DLC1: variants seen among roughly 807,000 people sequenced by gnomAD.
DLC1 encodes DLC1 Rho GTPase activating protein, also known as rho GTPase-activating protein 7.
In DLC1, 54 loss-of-function variants were observed where a neutral mutation model predicts 140.3. The observed-to-expected ratio is 0.38, with a 90% CI of 0.31 to 0.48. The LOEUF (loss-of-function observed/expected upper bound fraction) is 0.48. DLC1 is among the 20% of genes least tolerant of loss of function. The probability of loss-of-function intolerance (pLI) is 0.96; values close to 1 mark genes in which losing one functional copy is unlikely to be tolerated. For missense variants in DLC1, 2,536 were observed against 1,907.0 expected (o/e 1.33, Z -6.14); for synonymous variants, 986 against 728.1 (o/e 1.35, Z -5.70).
chr8:13,396,058 C>CTTTTT lies in DLC1; in HGVS notation c.1174-2366_1174-2365insAAAAA, dbSNP rs1458503033. On this transcript the variant is annotated intron_variant, in intron 3 of 17. Transcript: ENST00000276297. ...GAAATATTTTGCATTAATTTCTTTT[C>CTTTTT]TTTCTTTTTTTTTTTTTTTGAGACG... Among the ~76,000 whole-genome samples the CTTTTT allele has an allele frequency of 2.8e-4, 38 of 133,390 alleles. 3 individuals are homozygous for CTTTTT. The highest frequency in any genetic ancestry group is 3.0e-4 in the Admixed American group (4 of 13,268). The allele number at this position is 133,390 out of a possible 152,430, so 87.5% of individuals were successfully genotyped here.
chr8:13,353,718 C>T (rs1563277569), intron 4 of DLC1, among the ~76,000 whole-genome samples: 3 of 152,122 alleles, frequency 2.0e-5, no homozygotes, highest in East Asian at 3.9e-4. Context: ...TTAGCCAGGC[C>T]TGTTGGCAGG....
At chr8:13,258,965 A>G (rs988556679) in intron 5 of DLC1, among the ~76,000 whole-genome samples, 2 of 151,750 alleles carry the variant, frequency 1.3e-5, no homozygotes, top group East Asian at 1.9e-4. Context: ...GTGAAACCCC[A>G]TCTCTACTAA....
intron 7 of DLC1, among the ~76,000 whole-genome samples, chr8:13,104,350 C>CA (rs71304974): frequency 0.039 from 4,703 of 119,344 alleles, 107 homozygotes; most frequent in African/African-American, 0.058. Flanking sequence ...AAAATACTTA[C>CA]AAAAAAAAAA....
chr8:13,088,594 G>A lies in DLC1; in HGVS notation c.4185C>T (p.Asp1395=). The part of the protein sequence containing the change: ...LLKEQHLWDV[D]LLDSKVIEIL... ...TTTCGATCACTTTTGAATCCAACAG[G>A]TCTACATCCCAGAGGTGCTGTTCTT... Residue 1395 remains aspartate, a synonymous_variant, in exon 16 of 18, where the codon GAC becomes GAT. Transcript: ENST00000276297. 2 of 1,614,124 alleles carry A rather than the reference G, an allele frequency of 1.2e-6. No homozygotes were observed. Among genetic ancestry groups the A allele is most frequent in the African/African-American group, 1.3e-5 (1 of 75,032 alleles).
intron 7 of DLC1, among the ~76,000 whole-genome samples, chr8:13,103,849 A>AAC (rs1387556297): frequency 1.3e-5 from 2 of 149,470 alleles, no homozygotes; most frequent in East Asian, 3.9e-4. Context: ...CAAAAAAAAA[A>AAC]AAAAAAAAAA....
intron 5 of DLC1, among the ~76,000 whole-genome samples, chr8:13,132,489 C>G (rs1206916547): frequency 1.3e-5 from 2 of 152,100 alleles, no homozygotes; most frequent in Admixed American, 6.5e-5. Flanking sequence ...AGTAAACTCT[C>G]CCGGAGTTCA....
intron 4 of DLC1, among the ~76,000 whole-genome samples, chr8:13,382,636 C>G (rs78802574): frequency 0.023 from 3,484 of 151,044 alleles, 71 homozygotes; most frequent in South Asian, 0.086. Context: ...TTCTAGACAG[C>G]AAATGATACT....
At chr8:13,344,698 G>C (rs1049938926) in intron 4 of DLC1, among the ~76,000 whole-genome samples, 2 of 152,172 alleles carry the variant, frequency 1.3e-5, no homozygotes, top group African/African-American at 4.8e-5. Flanking sequence ...TCACTATTAT[G>C]ATGATGACAG....
At chr8:13,430,274 A>G (rs1234837085) in intron 2 of DLC1, among the ~76,000 whole-genome samples, 1 of 152,230 alleles carries the variant, frequency 6.6e-6, no homozygotes, top group Non-Finnish European at 1.5e-5. Context: ...TGAATTTCAC[A>G]TGTGATTGTG....
chr8:13,256,711 TG>T (rs1365417123), intron 5 of DLC1, among the ~76,000 whole-genome samples: 1 of 151,824 alleles, frequency 6.6e-6, no homozygotes, highest in African/African-American at 2.4e-5. Flanking sequence ...CATCACACAC[TG>T]GGGCCTGTTG....
chr8:13,132,781 C>T (rs1487127011), intron 5 of DLC1, among the ~76,000 whole-genome samples: 2 of 152,236 alleles, frequency 1.3e-5, no homozygotes, highest in Non-Finnish European at 2.9e-5. Context: ...GTCCTGCTAT[C>T]CCCACACCAC....
intron 4 of DLC1, among the ~76,000 whole-genome samples, chr8:13,319,268 C>A (rs890991472): frequency 1.3e-5 from 2 of 152,182 alleles, no homozygotes; most frequent in Non-Finnish European, 2.9e-5. Flanking sequence ...AGAAATTTTG[C>A]ATTATAATTA....
chr8:13,436,406 A>G (rs1839124810), intron 2 of DLC1, among the ~76,000 whole-genome samples: 1 of 152,228 alleles, frequency 6.6e-6, no homozygotes, highest in Non-Finnish European at 1.5e-5. Context: ...TTACCTATCA[A>G]GAGTTAATCT....
intron 2 of DLC1, among the ~76,000 whole-genome samples, chr8:13,487,118 T>C (rs1044556676): frequency 6.6e-6 from 1 of 152,170 alleles, no homozygotes; most frequent in African/African-American, 2.4e-5. Context: ...ACTAATGTAG[T>C]GCCTGCAGTA....
At chr8:13,333,621 T>A (rs1476856807) in intron 4 of DLC1, among the ~76,000 whole-genome samples, 1 of 152,224 alleles carries the variant, frequency 6.6e-6, no homozygotes, top group African/African-American at 2.4e-5. Flanking sequence ...ATGGCTCTCC[T>A]GCTTGTAACA....
intron 5 of DLC1, among the ~76,000 whole-genome samples, chr8:13,284,476 G>A (rs1358659127): frequency 1.3e-5 from 2 of 152,070 alleles, no homozygotes; most frequent in African/African-American, 2.4e-5. Flanking sequence ...GCAGTGCGCT[G>A]AGATCGCGCC....
chr8:13,225,292 C>G (rs1828743470), intron 5 of DLC1, among the ~76,000 whole-genome samples: 1 of 152,182 alleles, frequency 6.6e-6, no homozygotes, highest in Non-Finnish European at 1.5e-5. Flanking sequence ...TCTTTAGGCA[C>G]TCAAAATTGT....
chr8:13,552,707 T>G (rs1303952710), intron 1 of DLC1, among the ~76,000 whole-genome samples: 1 of 151,676 alleles, frequency 6.6e-6, no homozygotes, highest in Non-Finnish European at 1.5e-5. Context: ...CAGGAAAATG[T>G]TTTTTAAAGG....
At chr8:13,455,260 T>C (rs1032777879) in intron 2 of DLC1, among the ~76,000 whole-genome samples, 3 of 152,164 alleles carry the variant, frequency 2.0e-5, no homozygotes, top group Non-Finnish European at 4.4e-5. Flanking sequence ...TGCACACAAT[T>C]GTATATCCAT....
Sources: allele counts gnomAD v4.1 joint callset (sites outside exome capture counted in the v4.1 genomes callset), GRCh38; gene constraint gnomAD v4.1.1; transcripts MANE v1.5; gene names NCBI Gene and HGNC (gene_info 2026-07-23, HGNC 2026-07-21).